Variants in GNAQ observed in about 807,000 individuals in gnomAD.
GNAQ encodes guanine nucleotide-binding protein G(q) subunit alpha.
Under a neutral mutation model 43.9 loss-of-function variants are expected in GNAQ, and 8 were observed. The observed-to-expected ratio is 0.18, with a 90% CI of 0.11 to 0.33. The LOEUF (loss-of-function observed/expected upper bound fraction) is 0.33. Among genes scored for constraint, GNAQ ranks in the 10% least tolerant of loss-of-function variants. The pLI, the probability that GNAQ is intolerant of heterozygous loss-of-function variation, is 1.00. For missense variants in GNAQ, 158 were observed against 450.8 expected, an observed-to-expected ratio of 0.35 and a Z score of 5.88; for synonymous variants, 155 against 170.7, an observed-to-expected ratio of 0.91 and a Z score of 0.71.
chr9:78,009,385 G>A (rs1259884393), intron 1 of GNAQ, among the ~76,000 whole-genome samples: 1 of 152,140 alleles, frequency 6.6e-6, no homozygotes, highest in African/African-American at 2.4e-5. Context: ...TTCCTCCTAC[G>A]ACAGGAGAGT....
intron 2 of GNAQ, among the ~76,000 whole-genome samples, chr9:77,816,727 T>G (rs188461791): frequency 6.6e-6 from 1 of 152,218 alleles, no homozygotes; most frequent in African/African-American, 2.4e-5. Context: ...AATCCTGATT[T>G]TGTATAGAAA....
chr9:77,926,449 G>A (rs775272647), intron 1 of GNAQ, among the ~76,000 whole-genome samples: 1 of 152,128 alleles, frequency 6.6e-6, no homozygotes, highest in Non-Finnish European at 1.5e-5. Flanking sequence ...ATTATTTCAA[G>A]AATGCAGTGA....
intron 2 of GNAQ, among the ~76,000 whole-genome samples, chr9:77,858,798 GC>G (rs1827798622): frequency 6.6e-6 from 1 of 151,946 alleles, no homozygotes; most frequent in Non-Finnish European, 1.5e-5. Context: ...CATTCTCTGA[GC>G]TGCAGCTATC....
chr9:77,913,869 T>C (rs1828850572), intron 2 of GNAQ, among the ~76,000 whole-genome samples: 1 of 152,170 alleles, frequency 6.6e-6, no homozygotes, highest in South Asian at 2.1e-4. Context: ...TCAATACTGA[T>C]GTTGTGTGCA....
At chr9:77,763,156 C>T (rs1183155364) in intron 5 of GNAQ, among the ~76,000 whole-genome samples, 1 of 125,650 alleles carries the variant, frequency 8.0e-6, no homozygotes, top group Non-Finnish European at 1.7e-5. Flanking sequence ...AAAAAAAAAA[C>T]AAAGGAAAAG....
At chr9:77,744,861 T>A (rs1311086578) in intron 5 of GNAQ, among the ~76,000 whole-genome samples, 1 of 152,078 alleles carries the variant, frequency 6.6e-6, no homozygotes, top group Non-Finnish European at 1.5e-5. Flanking sequence ...ATTTACTTCA[T>A]TCTGTTCCCC....
At position 77,720,123 on chromosome 9, in the gene GNAQ, T is replaced by TAACA; in HGVS notation, c.*1196_*1199dup. ...GACACTGAACATGGGACGTGAACACTAACAATGTCATCTTAAGGACAAAGA... is the reference window on the plus strand; with the variant it reads ...GACACTGAACATGGGACGTGAACACTAACAAACAATGTCATCTTAAGGACAAAGA... On this transcript the variant is annotated 3_prime_UTR_variant, in exon 7 of 7. Coordinates refer to ENST00000286548, the MANE Select transcript of GNAQ (RefSeq NM_002072.5). The TAACA allele has an allele frequency of 4.3e-6, 1 of 232,952 alleles. No homozygotes were observed. 14.4% of individuals were successfully genotyped at this position (232,952 alleles called of 1,614,324 possible).
intron 1 of GNAQ, among the ~76,000 whole-genome samples, chr9:78,016,574 G>C (rs920806830): frequency 2.0e-5 from 3 of 151,954 alleles, no homozygotes; most frequent in African/African-American, 7.3e-5. Context: ...CCAGCTACTC[G>C]GGAGGGCTGA....
At position 78,001,093 on chromosome 9, in the gene GNAQ, G is replaced by C. The variant is rs911468251; in HGVS notation, c.136+30007C>G. Among the ~76,000 whole-genome samples, 5 of 152,132 alleles carry C rather than the reference G, an allele frequency of 3.3e-5. No individual in the cohort carries two copies. The East Asian group carries it at 7.7e-4, about 23-fold the overall frequency. On this transcript the variant is annotated intron_variant, in intron 1 of 6. Coordinates refer to ENST00000286548, the MANE Select transcript of GNAQ (RefSeq NM_002072.5). ...TATAAAACAAGGAACTAAGGGCCTT[G>C]GGTTTTGGTAAGAAATAGAAAGGCC...
At chr9:77,949,417 TG>T (rs1469965147) in intron 1 of GNAQ, among the ~76,000 whole-genome samples, 3 of 152,132 alleles carry the variant, frequency 2.0e-5, no homozygotes, top group Non-Finnish European at 2.9e-5. Context: ...CTGAATCTCT[TG>T]GGAGAAACAG....
At chr9:77,918,478 A>G (rs1340286581) in intron 2 of GNAQ, among the ~76,000 whole-genome samples, 2 of 152,206 alleles carry the variant, frequency 1.3e-5, no homozygotes, top group East Asian at 3.9e-4. Flanking sequence ...TATAAATTAT[A>G]AAGTATATAC....
chr9:77,948,849 G>A (rs1316616932), intron 1 of GNAQ, among the ~76,000 whole-genome samples: 1 of 152,096 alleles, frequency 6.6e-6, no homozygotes, highest in African/African-American at 2.4e-5. Context: ...AGAACCAACA[G>A]CTCCGTGTGA....
Position 77,786,212 on chromosome 9 carries a change from C to T in GNAQ, c.735+8251G>A, listed in dbSNP as rs1420346887. 3.9e-5 allele frequency among the ~76,000 whole-genome samples: 6 copies of T among 152,036 alleles called. No individual in the cohort carries two copies. In the South Asian group the frequency reaches 1.2e-3, roughly 32 times the overall value. Reference sequence around the variant, plus strand: ...CTAACACGGTGAAACCCAGTCTCTACTAAAAATACAAAAAAATTAGCTGGG... The same window carrying T: ...CTAACACGGTGAAACCCAGTCTCTATTAAAAATACAAAAAAATTAGCTGGG... On this transcript the variant is annotated intron_variant, in intron 5 of 6. Coordinates refer to ENST00000286548, the MANE Select transcript of GNAQ (RefSeq NM_002072.5).
chr9:77,853,032 C>T (rs928629673), intron 2 of GNAQ, among the ~76,000 whole-genome samples: 8 of 152,222 alleles, frequency 5.3e-5, no homozygotes, highest in African/African-American at 1.9e-4. Flanking sequence ...TCCTTTGTCT[C>T]TTTCTATAAA....
At chr9:77,762,846 A>C in intron 5 of GNAQ, among the ~76,000 whole-genome samples, 1 of 152,064 alleles carries the variant, frequency 6.6e-6, no homozygotes, top group Non-Finnish European at 1.5e-5. Context: ...ACTCAGGGTT[A>C]AATGGATTAA....
At position 78,020,753 on chromosome 9, in the gene GNAQ, G is replaced by A. The variant is rs547455373; in HGVS notation, c.136+10347C>T. Among the ~76,000 whole-genome samples the A allele has an allele frequency of 1.1e-4, 17 of 152,188 alleles. No individual in the cohort carries two copies. In the East Asian group the frequency reaches 1.2e-3, roughly 10 times the overall value. On this transcript the variant is annotated intron_variant, in intron 1 of 6. Transcript: ENST00000286548. ...GCAACAACACCCTCTGCCCTTCCAAGCCCCACGGGACTCCCTATTACTCTA... is the reference window on the plus strand; with the variant it reads ...GCAACAACACCCTCTGCCCTTCCAAACCCCACGGGACTCCCTATTACTCTA...
chr9:78,024,683 T>C (rs1323999328), intron 1 of GNAQ, among the ~76,000 whole-genome samples: 4 of 152,152 alleles, frequency 2.6e-5, no homozygotes, highest in Non-Finnish European at 5.9e-5. Context: ...TCAGCTACAA[T>C]ACAAGAACTA....
chr9:77,846,214 T>C (rs1827583280), intron 2 of GNAQ, among the ~76,000 whole-genome samples: 1 of 152,214 alleles, frequency 6.6e-6, no homozygotes, highest in Non-Finnish European at 1.5e-5. Flanking sequence ...AAATCCTGAT[T>C]TCTGCCTTCT....
At chr9:77,938,643 CAAGA>C (rs1281771526) in intron 1 of GNAQ, among the ~76,000 whole-genome samples, 1 of 152,066 alleles carries the variant, frequency 6.6e-6, no homozygotes, top group African/African-American at 2.4e-5. Context: ...AAGAGGAGAC[CAAGA>C]AAGAAGCACG....
Sources: allele counts gnomAD v4.1 joint callset (sites outside exome capture counted in the v4.1 genomes callset), GRCh38; gene constraint gnomAD v4.1.1; transcripts MANE v1.5; gene names NCBI Gene and HGNC (gene_info 2026-07-23, HGNC 2026-07-21).